The following ADAMTSL1 variants were observed in gnomAD, a reference collection of about 807,000 sequenced individuals.
ADAMTSL1 encodes the protein ADAMTS-like protein 1.
Under a neutral mutation model 201.8 loss-of-function variants are expected in ADAMTSL1, and 126 were observed. The observed-to-expected ratio is 0.62, with a 90% CI of 0.54 to 0.72. The LOEUF (loss-of-function observed/expected upper bound fraction) is 0.72, where lower values mean the gene tolerates loss of function less well. ADAMTSL1 is among the 30% of genes least tolerant of loss of function. ADAMTSL1 has a pLI of 0.00. For synonymous variants in ADAMTSL1, 1,121 were observed against 903.4 expected (o/e 1.24, Z -4.32); for missense variants, 2,679 against 2,277.8 (o/e 1.18, Z -3.59).
At chr9:17,979,693 C>G (rs1235080901) in intron 1 of ADAMTSL1, among the ~76,000 whole-genome samples, 1 of 152,018 alleles carries the variant, frequency 6.6e-6, no homozygotes, top group African/African-American at 2.4e-5. Context: ...GTCTGTAATT[C>G]TTGATTCTGC....
intron 7 of ADAMTSL1, among the ~76,000 whole-genome samples, chr9:18,648,310 C>T (rs1827952992): frequency 6.7e-6 from 1 of 148,308 alleles, no homozygotes; most frequent in African/African-American, 2.5e-5. Context: ...TTCCTGAATA[C>T]AGCACACTGA....
At chr9:18,315,627 G>A (rs553698058) in intron 2 of ADAMTSL1, among the ~76,000 whole-genome samples, 37 of 152,234 alleles carry the variant, frequency 2.4e-4, no homozygotes, top group South Asian at 1.0e-3. Context: ...CTCTGAGTGC[G>A]GGGCCCACCG....
At chr9:17,962,073 A>G (rs1817779412) in intron 1 of ADAMTSL1, among the ~76,000 whole-genome samples, 1 of 152,210 alleles carries the variant, frequency 6.6e-6, no homozygotes, top group South Asian at 2.1e-4. Context: ...AGGTTGAACA[A>G]CATAGCTAGA....
At chr9:18,532,498 T>C (rs1819504811) in intron 2 of ADAMTSL1, among the ~76,000 whole-genome samples, 1 of 152,088 alleles carries the variant, frequency 6.6e-6, no homozygotes, top group African/African-American at 2.4e-5. Flanking sequence ...TGGAAAAAAT[T>C]ACATCAGTTG....
At chr9:18,712,232 A>G (rs1832662349) in intron 14 of ADAMTSL1, among the ~76,000 whole-genome samples, 3 of 152,260 alleles carry the variant, frequency 2.0e-5, no homozygotes, top group Non-Finnish European at 4.4e-5. Flanking sequence ...CCAGCAACGG[A>G]ACAAAGCTGG....
chr9:18,112,544 T>C (rs748466980), intron 1 of ADAMTSL1, among the ~76,000 whole-genome samples: 5 of 151,904 alleles, frequency 3.3e-5, no homozygotes, highest in Non-Finnish European at 7.4e-5. Flanking sequence ...CCTGAGATCA[T>C]ACCCTCTAAA....
intron 2 of ADAMTSL1, among the ~76,000 whole-genome samples, chr9:18,464,699 C>G (rs1820934466): frequency 6.6e-6 from 1 of 152,216 alleles, no homozygotes. Context: ...AGCCAATTTC[C>G]TTTTCATAAT....
At chr9:17,964,766 A>G (rs1459794494) in intron 1 of ADAMTSL1, among the ~76,000 whole-genome samples, 2 of 152,332 alleles carry the variant, frequency 1.3e-5, no homozygotes, top group Middle Eastern at 3.4e-3. Flanking sequence ...ATGTGAATCC[A>G]CAGTGATCTA....
chr9:18,711,270 G>A lies in ADAMTSL1; in HGVS notation c.1876+4222G>A, dbSNP rs200466750. Reference sequence around the variant, plus strand: ...AAGATGGCCGAATAGGAACAGCTCCGATCTACAGCTCCCAGCGTGAGCTAC... The same window carrying A: ...AAGATGGCCGAATAGGAACAGCTCCAATCTACAGCTCCCAGCGTGAGCTAC... On this transcript the variant is annotated intron_variant, in intron 14 of 28. Transcript: ENST00000380548. Among the ~76,000 whole-genome samples the A allele has an allele frequency of 1.4e-4, 21 of 152,212 alleles. No homozygotes were observed. The East Asian group carries it at 3.3e-3, about 24-fold the overall frequency.
intron 13 of ADAMTSL1, among the ~76,000 whole-genome samples, chr9:18,703,445 T>C (rs1199118011): frequency 6.6e-6 from 1 of 152,054 alleles, no homozygotes; most frequent in East Asian, 1.9e-4. Context: ...AAAGAGACTA[T>C]ATTATATTAT....
At chr9:18,867,995 A>G (rs950084100) in intron 23 of ADAMTSL1, among the ~76,000 whole-genome samples, 1 of 152,090 alleles carries the variant, frequency 6.6e-6, no homozygotes, top group African/African-American at 2.4e-5. Flanking sequence ...TCTAACATAT[A>G]TTTGACTACT....
Position 18,155,431 on chromosome 9 carries a change from T to C in ADAMTSL1, c.88-8431T>C, listed in dbSNP as rs190067235. 5.0e-4 allele frequency among the ~76,000 whole-genome samples: 76 copies of C among 152,164 alleles called. 1 individual carries two copies. Among genetic ancestry groups the C allele is most frequent in the Admixed American group, 1.4e-3 (21 of 15,280 alleles). On this transcript the variant is annotated intron_variant, in intron 1 of 29. Transcript: ENST00000680146. ...GCTGTCTGTCACCCACTAGTTCTGA[T>C]CATTACTTCAAAACACTGTGGAGCA...
At chr9:18,732,000 C>A (rs1172444969) in intron 15 of ADAMTSL1, among the ~76,000 whole-genome samples, 1 of 152,142 alleles carries the variant, frequency 6.6e-6, no homozygotes, top group South Asian at 2.1e-4. Context: ...GGCCACGTTA[C>A]CTCTCTAAGA....
chr9:18,383,195 G>T (rs1441501593), intron 2 of ADAMTSL1, among the ~76,000 whole-genome samples: 1 of 152,022 alleles, frequency 6.6e-6, no homozygotes, highest in African/African-American at 2.4e-5. Context: ...TATTAAATAA[G>T]GTAACTTAAA....
rs377458680 is a variant in ADAMTSL1 at position 18,841,427 on chromosome 9, G to T, written c.4249+11450G>T. Among the ~76,000 whole-genome samples, 706 of 152,236 alleles carry T rather than the reference G, an allele frequency of 4.6e-3. 6 individuals are homozygous for T. The highest frequency in any genetic ancestry group is 0.016 in the African/African-American group (658 of 41,552). ...GGATAAGCTTTTTGATGTGCTGCTG[G>T]ATTCGGTTTGCCAGTATTTTATTGA... On this transcript the variant is annotated intron_variant, in intron 23 of 28. Coordinates refer to ENST00000380548, the MANE Select transcript of ADAMTSL1 (RefSeq NM_001040272.6).
chr9:18,392,503 C>T (rs1378110707), intron 2 of ADAMTSL1, among the ~76,000 whole-genome samples: 1 of 152,220 alleles, frequency 6.6e-6, no homozygotes, highest in Admixed American at 6.5e-5. Flanking sequence ...AAACCTGCTA[C>T]TGACAACAGT....
At chr9:18,871,503 A>G (rs1433824229) in intron 23 of ADAMTSL1, among the ~76,000 whole-genome samples, 7 of 152,308 alleles carry the variant, frequency 4.6e-5, no homozygotes, top group East Asian at 1.9e-4. Flanking sequence ...ACACATACCT[A>G]TAAGACAAGT....
At chr9:18,311,858 A>G (rs1834170579) in intron 2 of ADAMTSL1, among the ~76,000 whole-genome samples, 1 of 152,164 alleles carries the variant, frequency 6.6e-6, no homozygotes, top group African/African-American at 2.4e-5. Flanking sequence ...TTCTGCCCAC[A>G]GTGGTCTAGA....
At chr9:18,057,021 C>A (rs1048321771) in intron 1 of ADAMTSL1, among the ~76,000 whole-genome samples, 2 of 152,238 alleles carry the variant, frequency 1.3e-5, no homozygotes, top group African/African-American at 4.8e-5. Flanking sequence ...GAATTCCTCC[C>A]TGCAAAATAG....
Sources: allele counts gnomAD v4.1 joint callset (sites outside exome capture counted in the v4.1 genomes callset), GRCh38; gene constraint gnomAD v4.1.1; transcripts MANE v1.5; gene names NCBI Gene and HGNC (gene_info 2026-07-23, HGNC 2026-07-21).